The following NBAS variants were observed in gnomAD, a reference collection of about 807,000 sequenced individuals.
NBAS encodes NBAS subunit of NRZ tethering complex.
In NBAS, 219 loss-of-function variants were observed where a neutral mutation model predicts 302.5. The ratio of observed to expected loss-of-function variants is 0.72; its 90% CI spans 0.65 to 0.81. The LOEUF (loss-of-function observed/expected upper bound fraction) is 0.81. NBAS is among the 30% of genes least tolerant of loss of function. The pLI is 0.00. For synonymous variants in NBAS, 1,118 were observed against 1,021.6 expected, an observed-to-expected ratio of 1.09 and a Z score of -1.80; for missense variants, 2,932 against 2,841.6, an observed-to-expected ratio of 1.03 and a Z score of -0.72.
At chr2:14,800,804 T>TTA in the NBAS span, among the ~76,000 whole-genome samples, 208 of 151,228 alleles carry the variant, frequency 1.4e-3, 2 homozygotes, top group African/African-American at 4.7e-3. Context: ...TTTTTTTTTT[T>TTA]AGGCACTTAC....
the NBAS span, among the ~76,000 whole-genome samples, chr2:15,087,223 A>AACACAC: frequency 0.028 from 3,981 of 143,236 alleles, 159 homozygotes; most frequent in African/African-American, 0.093. Context: ...TTTTTATACA[A>AACACAC]ACACACACAC....
the NBAS span, among the ~76,000 whole-genome samples, chr2:15,146,722 G>A: frequency 1.3e-5 from 2 of 152,132 alleles, no homozygotes; most frequent in African/African-American, 4.8e-5. Context: ...TGGCAGAGCA[G>A]ATAGATGGTA....
intron 45 of NBAS, among the ~76,000 whole-genome samples, chr2:15,238,004 T>C (rs1458903429): frequency 1.3e-5 from 2 of 152,144 alleles, no homozygotes; most frequent in Admixed American, 6.5e-5. Flanking sequence ...CTCGAACTCC[T>C]GACCTTGTGA....
intron 25 of NBAS, among the ~76,000 whole-genome samples, chr2:15,409,034 A>C (rs1235271653): frequency 1.3e-5 from 2 of 152,198 alleles, no homozygotes; most frequent in Admixed American, 6.5e-5. Context: ...AAAAGCATCA[A>C]GTAAATCCTG....
At chr2:14,886,713 C>G in the NBAS span, 1 of 152,240 alleles carries the variant, frequency 6.6e-6, no homozygotes, top group African/African-American at 2.4e-5. Flanking sequence ...ATTCTTTTTC[C>G]TTCCCATCTT....
the NBAS span, chr2:14,890,854 C>CAA: frequency 5.5e-4 from 84 of 152,864 alleles, no homozygotes; most frequent in Non-Finnish European, 9.0e-4. Flanking sequence ...CAAACAACAA[C>CAA]AAAAAAAAAC....
At chr2:15,212,085 C>A (rs780390320) in intron 48 of NBAS, among the ~76,000 whole-genome samples, 1 of 152,154 alleles carries the variant, frequency 6.6e-6, no homozygotes, top group Non-Finnish European at 1.5e-5. Flanking sequence ...CTTTTCTAAG[C>A]CCCCATATCT....
At chr2:15,133,194 G>T in the NBAS span, among the ~76,000 whole-genome samples, 2 of 152,144 alleles carry the variant, frequency 1.3e-5, no homozygotes, top group African/African-American at 4.8e-5. Flanking sequence ...AACATATCCT[G>T]CCCTGGGGAA....
the NBAS span, among the ~76,000 whole-genome samples, chr2:15,065,729 A>T: frequency 2.6e-3 from 106 of 41,238 alleles, no homozygotes; most frequent in African/African-American, 4.0e-3. Flanking sequence ...ACATTGATTT[A>T]AAAAAAAATT....
At chr2:14,986,564 A>T in the NBAS span, among the ~76,000 whole-genome samples, 3 of 152,166 alleles carry the variant, frequency 2.0e-5, no homozygotes, top group African/African-American at 7.2e-5. Flanking sequence ...GAATTATTTC[A>T]TATAAAGACC....
intron 51 of NBAS, among the ~76,000 whole-genome samples, chr2:15,173,444 A>G (rs1444065576): frequency 6.6e-6 from 1 of 152,208 alleles, no homozygotes; most frequent in Non-Finnish European, 1.5e-5. Context: ...TGTTTACTTT[A>G]GGGAAACATA....
chr2:14,857,505 C>T, the NBAS span, among the ~76,000 whole-genome samples: 1 of 152,072 alleles, frequency 6.6e-6, no homozygotes, highest in African/African-American at 2.4e-5. Context: ...GAATAGACAA[C>T]CCAGCGATAA....
At position 15,353,661 on chromosome 2, in the gene NBAS, A is replaced by G. The variant is rs1344450861; in HGVS notation, c.3981T>C (p.Gly1327=). 4.3e-6 allele frequency: 7 copies of G among 1,613,986 alleles called. No individual in the cohort carries two copies. Among genetic ancestry groups the G allele is most frequent in the Non-Finnish European group, 5.9e-6 (7 of 1,179,978 alleles). The change falls in exon 34 of 52, where the codon GGT becomes GGC. Residue 1327 remains glycine, a synonymous_variant. Transcript: ENST00000281513. ...CTTGACGAGTGGCCAAGTCCTGGTA[A>G]CCTTCTGATTGTCCTAACTGGCTAC... The part of the protein sequence containing the change: ...DVCSQLGQSE[G]YQDLATRQEL...
chr2:15,007,624 G>A, the NBAS span, among the ~76,000 whole-genome samples: 1 of 152,106 alleles, frequency 6.6e-6, no homozygotes, highest in Non-Finnish European at 1.5e-5. Context: ...GATTGTCTGA[G>A]CTTCTAATCT....
the NBAS span, among the ~76,000 whole-genome samples, chr2:15,144,162 G>T: frequency 6.6e-6 from 1 of 150,640 alleles, no homozygotes; most frequent in Non-Finnish European, 1.5e-5. Flanking sequence ...CCCACCCACG[G>T]TCCCTCCCCA....
chr2:15,212,922 T>C (rs1421022039), intron 48 of NBAS, among the ~76,000 whole-genome samples: 1 of 152,186 alleles, frequency 6.6e-6, no homozygotes, highest in African/African-American at 2.4e-5. Context: ...TATAGCAGCG[T>C]GAGAACAAAC....
At chr2:15,245,321 A>G (rs1668044501) in intron 44 of NBAS, among the ~76,000 whole-genome samples, 1 of 151,828 alleles carries the variant, frequency 6.6e-6, no homozygotes, top group African/African-American at 2.4e-5. Flanking sequence ...GCCCCCTCAG[A>G]GTCTTCACAG....
the NBAS span, among the ~76,000 whole-genome samples, chr2:15,151,836 C>G: frequency 6.6e-6 from 1 of 152,024 alleles, no homozygotes; most frequent in Non-Finnish European, 1.5e-5. Flanking sequence ...TGTATCCACT[C>G]AAGAGTCTTT....
chr2:14,875,563 C>G, the NBAS span, among the ~76,000 whole-genome samples: 1 of 152,090 alleles, frequency 6.6e-6, no homozygotes, highest in Non-Finnish European at 1.5e-5. Context: ...TTGCAGTAAG[C>G]TGAGATCACA....
Sources: gnomAD v4.1 joint callset for allele counts (sites outside exome capture counted in the v4.1 genomes callset) on GRCh38, gnomAD v4.1.1 for gene constraint, MANE v1.5 for transcripts, NCBI Gene and HGNC (gene_info 2026-07-23, HGNC 2026-07-21) for gene names.